Variants in RFX2 observed in about 807,000 individuals in gnomAD.
RFX2 encodes the protein regulatory factor X2, also known as DNA-binding protein RFX2.
RFX2 carries 20 observed loss-of-function variants against 87.8 expected under a neutral mutation model. The observed-to-expected ratio is 0.23, with a 90% CI of 0.16 to 0.33. The LOEUF is 0.33. RFX2 is among the 10% of genes least tolerant of loss of function. RFX2 has a pLI of 1.00. For synonymous variants in RFX2, 397 were observed against 431.3 expected (o/e 0.92, Z 0.98); for missense variants, 767 against 1,012.3 (o/e 0.76, Z 3.29).
rs2087174023 is a variant in RFX2, at chr19:6,045,500, T to C, written c.91-1218A>G. The stretch of plus-strand genomic sequence containing the variant: ...AACATATCAATTAGGCCACAACTGC[T>C]GGCAGGGCGACGGCGTCTGATCCTC... On this transcript the variant is annotated intron_variant, in intron 2 of 17. Transcript: ENST00000303657. The surrounding 1 kb of genome is among the most constrained non-coding windows in gnomAD (Gnocchi z 5.2). 2.0e-5 allele frequency among the ~76,000 whole-genome samples: 3 copies of C among 152,156 alleles called. No homozygotes were observed. The highest frequency in any genetic ancestry group is 6.5e-5 in the Admixed American group (1 of 15,270).
At chr19:6,062,099 T>G (rs1455064122) in intron 1 of RFX2, among the ~76,000 whole-genome samples, 3 of 151,842 alleles carry the variant, frequency 2.0e-5, no homozygotes, top group African/African-American at 7.3e-5. Flanking sequence ...AATTTGAGGT[T>G]GAAGTAAGCT....
intron 5 of RFX2, among the ~76,000 whole-genome samples, chr19:6,037,245 C>G (rs1288517928): frequency 3.3e-5 from 5 of 149,842 alleles, no homozygotes; most frequent in African/African-American, 7.4e-5. Flanking sequence ...GATTGCGCCA[C>G]TGCACTCCAG....
chr19:6,088,330 G>A lies in RFX2; in HGVS notation c.-9+22063C>T, dbSNP rs534634658. Among the ~76,000 whole-genome samples the A allele has an allele frequency of 9.5e-5, 14 of 148,036 alleles. No homozygotes were observed. The South Asian group carries it at 2.6e-3, about 27-fold the overall frequency. On this transcript the variant is annotated intron_variant, in intron 1 of 17. Transcript: ENST00000303657. Reference sequence around the variant, plus strand: ...CGCCTCCCGCGATTCTCCTGCCTCAGCCTCCTGAGTGGCTAGTATTACAGG... The same window carrying A: ...CGCCTCCCGCGATTCTCCTGCCTCAACCTCCTGAGTGGCTAGTATTACAGG...
chr19:6,020,638 C>G lies in RFX2; in HGVS notation c.598-4367G>C, dbSNP rs909615523. 6.6e-6 allele frequency among the ~76,000 whole-genome samples: 1 copy of G among 152,202 alleles called. No individual in the cohort carries two copies. Among genetic ancestry groups the G allele is most frequent in the Non-Finnish European group, 1.5e-5 (1 of 68,030 alleles). Reference sequence around the variant, plus strand: ...GCATCACAGGTCAGTTCCGTGAAACCGACCACGAGGGTCCAGCCGCTCCAA... The same window carrying G: ...GCATCACAGGTCAGTTCCGTGAAACGGACCACGAGGGTCCAGCCGCTCCAA... On this transcript the variant is annotated intron_variant, in intron 6 of 17. Coordinates refer to ENST00000303657, the MANE Select transcript of RFX2 (RefSeq NM_000635.4). The surrounding 1 kb of genome is among the most constrained non-coding windows in gnomAD (Gnocchi z 5.3).
At chr19:6,048,279 G>A (rs559768779) in intron 1 of RFX2, among the ~76,000 whole-genome samples, 145 of 152,320 alleles carry the variant, frequency 9.5e-4, no homozygotes, top group African/African-American at 3.3e-3. Flanking sequence ...CCACAAGAAA[G>A]TATAAACATA....
chr19:6,014,963 G>A (rs1342943190), intron 7 of RFX2, among the ~76,000 whole-genome samples: 1 of 152,232 alleles, frequency 6.6e-6, no homozygotes, highest in Non-Finnish European at 1.5e-5. Flanking sequence ...AGCCTCAGCA[G>A]GCAGCAGCCT....
intron 6 of RFX2, among the ~76,000 whole-genome samples, chr19:6,025,194 G>T (rs1018316185): frequency 6.6e-6 from 1 of 152,146 alleles, no homozygotes; most frequent in Admixed American, 6.5e-5. Flanking sequence ...GTCTGAGGGG[G>T]CCAGAGCTTT....
intron 1 of RFX2, among the ~76,000 whole-genome samples, chr19:6,082,571 C>G (rs186257632): frequency 1.3e-5 from 2 of 152,150 alleles, no homozygotes; most frequent in Admixed American, 1.3e-4. Context: ...TAGCTAGGAC[C>G]ACAGGCGTGC....
Position 6,002,681 on chromosome 19 carries a change from C to A in RFX2, c.1650+40G>T. The A allele has an allele frequency of 6.2e-7, 1 of 1,605,270 alleles. No homozygotes were observed. Among genetic ancestry groups the A allele is most frequent in the Non-Finnish European group, 8.5e-7 (1 of 1,174,900 alleles). On this transcript the variant is annotated intron_variant, in intron 14 of 17. Transcript: ENST00000303657. The surrounding 1 kb of genome is among the most constrained non-coding windows in gnomAD (Gnocchi z 6.7). ...TGGGTTTGCTGGTTTTGCTGGAGGG[C>A]GGGAAGCCCGGGCCCTGGGGACGGT...
At chr19:6,084,654 G>GTTTTTTTTTTTTT in intron 1 of RFX2, among the ~76,000 whole-genome samples, 1 of 99,378 alleles carries the variant, frequency 1.0e-5, no homozygotes, top group Non-Finnish European at 1.8e-5. Context: ...TTTTTTTTGA[G>GTTTTTTTTTTTTT]ACAGAATCTC....
At chr19:6,090,639 G>A (rs1460537298) in intron 1 of RFX2, among the ~76,000 whole-genome samples, 1 of 152,162 alleles carries the variant, frequency 6.6e-6, no homozygotes, top group African/African-American at 2.4e-5. Context: ...GTTACCATAC[G>A]ACTCAGCAAC....
chr19:6,003,456 C>G (rs1447098651), intron 13 of RFX2, among the ~76,000 whole-genome samples: 1 of 152,056 alleles, frequency 6.6e-6, no homozygotes, highest in Non-Finnish European at 1.5e-5. Flanking sequence ...CTGCAGCTGC[C>G]TCCTCTCACC....
chr19:6,092,412 A>G (rs754769588), intron 1 of RFX2, among the ~76,000 whole-genome samples: 10 of 152,106 alleles, frequency 6.6e-5, no homozygotes, highest in Non-Finnish European at 1.3e-4. Context: ...TGCTGGAAGG[A>G]AGGTCTTCCG....
Position 6,044,256 on chromosome 19 carries a change from G to A in RFX2, c.117C>T (p.Ser39=). The A allele has an allele frequency of 6.4e-7, 1 of 1,571,262 alleles. No individual in the cohort carries two copies. The highest frequency in any genetic ancestry group is 8.6e-7 in the Non-Finnish European group (1 of 1,158,912). The change falls in exon 3 of 18, where the codon TCC becomes TCT. Residue 39 remains serine, a synonymous_variant. Coordinates refer to ENST00000303657, the MANE Select transcript of RFX2 (RefSeq NM_000635.4). The surrounding 1 kb of genome is among the most constrained non-coding windows in gnomAD (Gnocchi z 5.3). ...GCTGCATCTGGGCCCCTTTGGGATT[G>A]GAGCTGGCTGCCTGGACCAACACCC... ...PQRVLVQAAS[S]NPKGAQMQPI... is the part of the protein sequence containing the mutation.
intron 7 of RFX2, among the ~76,000 whole-genome samples, chr19:6,015,149 C>T (rs557011677): frequency 3.9e-5 from 6 of 152,090 alleles, no homozygotes; most frequent in Non-Finnish European, 5.9e-5. Flanking sequence ...ACCAAGAGGC[C>T]GGGCACAGTG....
At chr19:6,049,870 T>C (rs1306891432) in intron 1 of RFX2, among the ~76,000 whole-genome samples, 4 of 152,248 alleles carry the variant, frequency 2.6e-5, no homozygotes, top group Non-Finnish European at 4.4e-5. Flanking sequence ...TGTTGTCTTA[T>C]AGGTCAGACC....
At chr19:6,018,442 C>T (rs752343563) in intron 6 of RFX2, among the ~76,000 whole-genome samples, 16 of 152,220 alleles carry the variant, frequency 1.1e-4, no homozygotes, top group Non-Finnish European at 1.8e-4. Context: ...TGAGGACCTG[C>T]CCTGGGTTCT....
At chr19:6,025,673 T>C (rs1369367011) in intron 6 of RFX2, among the ~76,000 whole-genome samples, 1 of 152,176 alleles carries the variant, frequency 6.6e-6, no homozygotes, top group African/African-American at 2.4e-5. Context: ...TGTCTTGATT[T>C]CTCCTTCATT....
At chr19:6,073,949 G>C (rs1036272081) in intron 1 of RFX2, among the ~76,000 whole-genome samples, 2 of 152,156 alleles carry the variant, frequency 1.3e-5, no homozygotes, top group Non-Finnish European at 2.9e-5. Flanking sequence ...CCAGCAAGTG[G>C]AAAGTGTGTG....
Sources: gnomAD v4.1 joint callset for allele counts (sites outside exome capture counted in the v4.1 genomes callset) on GRCh38, gnomAD v4.1.1 for gene constraint, Gnocchi (gnomAD v3.1) non-coding constraint, MANE v1.5 for transcripts, NCBI Gene and HGNC (gene_info 2026-07-23, HGNC 2026-07-21) for gene names.